CRYBA4: variants seen among roughly 807,000 people sequenced by gnomAD.
CRYBA4 encodes the protein crystallin beta A4, also known as beta-crystallin A4.
In CRYBA4, 30 loss-of-function variants were observed where a neutral mutation model predicts 31.7. The ratio of observed to expected loss-of-function variants is 0.95; its 90% CI spans 0.71 to 1.28. CRYBA4 has a LOEUF of 1.28. CRYBA4 is among the 50% of genes most tolerant of loss of function. The probability of loss-of-function intolerance (pLI) is 0.00; values close to 1 mark genes in which losing one functional copy is unlikely to be tolerated. For missense variants in CRYBA4, 225 were observed against 260.7 expected (o/e 0.86, Z 0.94); for synonymous variants, 102 against 102.3 (o/e 1.00, Z 0.02).
At chr22:26,592,075 T>C in the CRYBA4 span, among the ~76,000 whole-genome samples, 1 of 152,162 alleles carries the variant, frequency 6.6e-6, no homozygotes, top group African/African-American at 2.4e-5. Context: ...GCTGCCTCCA[T>C]GGAGCCAGCC....
intron 3 of CRYBA4, 152 bp downstream of exon 3, chr22:26,623,504 T>G (rs1042840492): frequency 2.1e-5 from 14 of 651,544 alleles, no homozygotes; most frequent in Non-Finnish European, 3.5e-5. Flanking sequence ...AGGACTGCCA[T>G]GTAAGATTAT....
chr22:26,614,541 G>A, the CRYBA4 span, among the ~76,000 whole-genome samples: 1 of 152,186 alleles, frequency 6.6e-6, no homozygotes, highest in Non-Finnish European at 1.5e-5. Flanking sequence ...TGCTTAGCAG[G>A]AAAGAGATGG....
At chr22:26,626,746 T>G (rs1234646554) in intron 4 of CRYBA4, among the ~76,000 whole-genome samples, 2 of 152,198 alleles carry the variant, frequency 1.3e-5, no homozygotes, top group African/African-American at 2.4e-5. Flanking sequence ...TTTGGAGCAT[T>G]TTGGATTTCG....
the CRYBA4 span, among the ~76,000 whole-genome samples, chr22:26,598,611 T>A: frequency 6.6e-6 from 1 of 152,166 alleles, no homozygotes; most frequent in Non-Finnish European, 1.5e-5. Flanking sequence ...CTCCAACTCC[T>A]GACTTCAAGT....
chr22:26,616,225 G>A, the CRYBA4 span: 1 of 1,614,076 alleles, frequency 6.2e-7, no homozygotes, highest in Non-Finnish European at 8.5e-7. Flanking sequence ...GGGACTAGGG[G>A]ATGTTCCTGC....
At chr22:26,597,510 C>T in the CRYBA4 span, among the ~76,000 whole-genome samples, 3 of 152,200 alleles carry the variant, frequency 2.0e-5, no homozygotes, top group Non-Finnish European at 4.4e-5. Context: ...CTGCTGTTTG[C>T]TCTGCCTGGA....
the CRYBA4 span, chr22:26,599,760 T>C: frequency 2.9e-6 from 3 of 1,022,712 alleles, no homozygotes; most frequent in Non-Finnish European, 4.6e-6. Context: ...CTGTCCTTCA[T>C]TGATCCCTGC....
chr22:26,629,734 C>CAAAAAAAAAAAAAAAAAAAA (rs66906132), intron 5 of CRYBA4, among the ~76,000 whole-genome samples: 12 of 80,612 alleles, frequency 1.5e-4, no homozygotes, highest in Admixed American at 1.5e-4. Context: ...GACTCTGTCT[C>CAAAAAAAAAAAAAAAAAAAA]AAAAAAAAAA....
In CRYBA4 at chr22:26,630,600, A is replaced by C. The variant is rs1929900914; in HGVS notation, c.*113A>C. On this transcript the variant is annotated 3_prime_UTR_variant, in exon 6 of 6. Transcript: ENST00000354760. ...CCCCTGTAACCTGTGTGAACCCAGCACCCATGTGAACTGGTCCGTGCACAG... is the reference window on the plus strand; with the variant it reads ...CCCCTGTAACCTGTGTGAACCCAGCCCCCATGTGAACTGGTCCGTGCACAG... The C allele has an allele frequency of 1.2e-6, 1 of 865,882 alleles. No homozygotes were observed. 53.6% of individuals were successfully genotyped at this position (865,882 alleles called of 1,614,324 possible).
the CRYBA4 span, chr22:26,612,214 C>G: frequency 4.5e-6 from 7 of 1,545,334 alleles, no homozygotes; most frequent in Non-Finnish European, 6.3e-6. Context: ...GCCCCCATGC[C>G]AAGGGCAGAG....
the CRYBA4 span, among the ~76,000 whole-genome samples, chr22:26,603,490 A>G: frequency 6.6e-6 from 1 of 151,800 alleles, no homozygotes; most frequent in African/African-American, 2.4e-5. Context: ...AGATCACACC[A>G]CTGCACTCCA....
the CRYBA4 span, among the ~76,000 whole-genome samples, chr22:26,614,457 G>A: frequency 6.6e-6 from 1 of 152,156 alleles, no homozygotes; most frequent in Admixed American, 6.5e-5. Context: ...CAGGTTCCCC[G>A]ATACCAGGAG....
the CRYBA4 span, among the ~76,000 whole-genome samples, chr22:26,603,596 G>A: frequency 1.3e-5 from 2 of 151,446 alleles, no homozygotes. Context: ...CTCAACTCAC[G>A]GTTCAGTCCA....
At chr22:26,620,556 CTTTTTTT>C (rs60318967), upstream of CRYBA4, among the ~76,000 whole-genome samples, 10 of 88,490 alleles carry the variant, frequency 1.1e-4, no homozygotes, top group African/African-American at 1.8e-4. Flanking sequence ...TCATGCATTC[CTTTTTTT>C]TTTTTTTTTT....
the CRYBA4 span, among the ~76,000 whole-genome samples, chr22:26,611,160 A>G: frequency 6.6e-6 from 1 of 152,180 alleles, no homozygotes; most frequent in African/African-American, 2.4e-5. Context: ...AATGAACTCA[A>G]TCAACCTGAG....
At position 26,627,364 on chromosome 22, in the gene CRYBA4, CTTT is replaced by C. The variant is rs1929741120; in HGVS notation, c.301-923_301-921del. On this transcript the variant is annotated intron_variant, in intron 4 of 5. Transcript: ENST00000354760. ...CCCTCCCTCCCTCCCTCCCTCCTTT[CTTT>C]CTTTCTTTCTTTCTTTCTTTCTTTC... is the stretch of plus-strand genomic sequence containing the variant. 1.6e-4 allele frequency among the ~76,000 whole-genome samples: 5 copies of C among 30,308 alleles called. 1 individual carries two copies. The highest frequency in any genetic ancestry group is 2.3e-4 in the Non-Finnish European group (4 of 17,206). The allele number at this position is 30,308 out of a possible 152,430, so 19.9% of individuals were successfully genotyped here.
chr22:26,627,382 T>TTC (rs1174091365), intron 4 of CRYBA4, among the ~76,000 whole-genome samples: 1 of 75,470 alleles, frequency 1.3e-5, no homozygotes, highest in African/African-American at 9.0e-5. Context: ...CTTTCTTTCT[T>TTC]TCTTTCTTTC....
chr22:26,609,116 AAG>A, the CRYBA4 span, among the ~76,000 whole-genome samples: 1 of 152,126 alleles, frequency 6.6e-6, no homozygotes, highest in Non-Finnish European at 1.5e-5. Context: ...CTTAGGAAAA[AAG>A]AGACGGATGA....
the CRYBA4 span, among the ~76,000 whole-genome samples, chr22:26,607,308 C>T: frequency 5.9e-5 from 9 of 152,108 alleles, no homozygotes; most frequent in African/African-American, 2.2e-4. Context: ...AGGCATGGGC[C>T]ACCATGCCCG....
Sources: allele counts gnomAD v4.1 joint callset (sites outside exome capture counted in the v4.1 genomes callset), GRCh38; gene constraint gnomAD v4.1.1; transcripts MANE v1.5; gene names NCBI Gene and HGNC (gene_info 2026-07-23, HGNC 2026-07-21).